PCDHGB5: variants seen among roughly 807,000 people sequenced by gnomAD.
PCDHGB5 encodes the protein protocadherin gamma-B5.
A neutral mutation model predicts 62.9 loss-of-function variants in PCDHGB5; 48 were observed. That is an observed-to-expected ratio of 0.76 (90% CI 0.61 to 0.97). The LOEUF is 0.97. Among genes scored for constraint, PCDHGB5 ranks in the 50% least tolerant of loss-of-function variants. The probability of loss-of-function intolerance (pLI) is 0.00; values close to 1 mark genes in which losing one functional copy is unlikely to be tolerated. For synonymous variants in PCDHGB5, 474 were observed against 511.2 expected (o/e 0.93, Z 0.98); for missense variants, 1,118 against 1,198.6 (o/e 0.93, Z 0.99).
In PCDHGB5 at chr5:141,432,877, C is replaced by T. The variant is rs375043811; in HGVS notation, c.2397+32353C>T. 108 of 1,614,082 alleles carry T rather than the reference C, an allele frequency of 6.7e-5. No homozygotes were observed. Among genetic ancestry groups the T allele is most frequent in the Non-Finnish European group, 7.6e-5 (90 of 1,180,018 alleles). On this transcript the variant is annotated intron_variant, in intron 1 of 3. Coordinates refer to ENST00000617380, the MANE Select transcript of PCDHGB5 (RefSeq NM_018925.3). The surrounding 1 kb of genome is among the most constrained non-coding windows in gnomAD (Gnocchi z 6.0). Reference sequence around the variant, plus strand: ...CCGCGGTCTCCTGCGTCTTCCTGGCCTTCGTCATCTTGCTGCTGGCGCTCA... The same window carrying T: ...CCGCGGTCTCCTGCGTCTTCCTGGCTTTCGTCATCTTGCTGCTGGCGCTCA...
chr5:141,433,329 G>A, intron 1 of PCDHGB5: 1 of 702,998 alleles, frequency 1.4e-6, no homozygotes, highest in Non-Finnish European at 2.4e-6. Context: ...GTGTAACAGG[G>A]ACTACAGGTG....
Position 141,476,993 on chromosome 5 carries a change from C to A in PCDHGB5, c.2398-17814C>A. 6.2e-7 allele frequency: 1 copy of A among 1,614,244 alleles called. No individual in the cohort carries two copies. Among genetic ancestry groups the A allele is most frequent in the South Asian group, 1.1e-5 (1 of 91,086 alleles). Reference sequence around the variant, plus strand: ...CAGCCACAACCGCGCCGGCGTGCGGCAACTATTCGCCTTAGACCTTGTAAC... The same window carrying A: ...CAGCCACAACCGCGCCGGCGTGCGGAAACTATTCGCCTTAGACCTTGTAAC... On this transcript the variant is annotated intron_variant, in intron 1 of 3. Coordinates refer to ENST00000617380, the MANE Select transcript of PCDHGB5 (RefSeq NM_018925.3). This position sits in a 1 kb window ranked among gnomAD's most constrained non-coding sequence, Gnocchi z 7.6.
chr5:141,487,824 C>A lies in PCDHGB5; in HGVS notation c.2398-6983C>A. The stretch of plus-strand genomic sequence containing the variant: ...TCACAGTTTAGCATTGGGGGCGGGT[C>A]ATGCCTATATCTGAGTAAGAAATGA... On this transcript the variant is annotated intron_variant, in intron 1 of 3. Coordinates refer to ENST00000617380, the MANE Select transcript of PCDHGB5 (RefSeq NM_018925.3). This position sits in a 1 kb window ranked among gnomAD's most constrained non-coding sequence, Gnocchi z 5.0. 2 of 1,247,252 alleles carry A rather than the reference C, an allele frequency of 1.6e-6. No individual in the cohort carries two copies. The highest frequency in any genetic ancestry group is 2.9e-5 in the South Asian group (2 of 68,154). The allele number at this position is 1,247,252 out of a possible 1,614,324, so 77.3% of individuals were successfully genotyped here. A position where few individuals can be genotyped will look rare whatever the true frequency, so the allele number is the denominator to read the frequency against.
chr5:141,501,290 T>TACACACAC (rs55762287), intron 2 of PCDHGB5, among the ~76,000 whole-genome samples: 94 of 136,244 alleles, frequency 6.9e-4, no homozygotes, highest in Admixed American at 2.2e-3. Context: ...TATTCCCTTA[T>TACACACAC]ACACACACAC....
intron 1 of PCDHGB5, among the ~76,000 whole-genome samples, chr5:141,468,046 C>T (rs540273405): frequency 1.3e-4 from 20 of 152,174 alleles, no homozygotes; most frequent in Non-Finnish European, 2.8e-4. Flanking sequence ...AAAACTAAGC[C>T]GGGCACAGTG....
At chr5:141,505,777 TCTG>T (rs77860300) in intron 3 of PCDHGB5, among the ~76,000 whole-genome samples, 6,508 of 152,280 alleles carry the variant, frequency 0.043, 161 homozygotes, top group Middle Eastern at 0.13. Context: ...AGGTCCTAGC[TCTG>T]CTACTATCCT....
chr5:141,462,617 T>C (rs1413543706), intron 1 of PCDHGB5, among the ~76,000 whole-genome samples: 1 of 151,850 alleles, frequency 6.6e-6, no homozygotes, highest in East Asian at 1.9e-4. Context: ...TTTTCACTTT[T>C]AGAAGTTCCA....
chr5:141,511,267 C>G lies in PCDHGB5; in HGVS notation c.*94C>G. The G allele has an allele frequency of 6.5e-7, 1 of 1,549,404 alleles. No homozygotes were observed. The highest frequency in any genetic ancestry group is 8.7e-7 in the Non-Finnish European group (1 of 1,146,836). On this transcript the variant is annotated 3_prime_UTR_variant, in exon 4 of 4. Coordinates refer to ENST00000617380, the MANE Select transcript of PCDHGB5 (RefSeq NM_018925.3). Reference sequence around the variant, plus strand: ...CCAGGCCTCAGAGTTTCAGGGCTAACCCCCAGAATACTGGTAGGGGCCAAG... The same window carrying G: ...CCAGGCCTCAGAGTTTCAGGGCTAAGCCCCAGAATACTGGTAGGGGCCAAG...
chr5:141,455,494 T>C (rs1223531150), intron 1 of PCDHGB5, among the ~76,000 whole-genome samples: 2 of 152,214 alleles, frequency 1.3e-5, no homozygotes, highest in African/African-American at 4.8e-5. Context: ...AGGTGATGTC[T>C]GATTTGCATA....
intron 1 of PCDHGB5, chr5:141,416,744 A>G (rs1480936949): frequency 2.0e-5 from 3 of 152,210 alleles, no homozygotes; most frequent in Non-Finnish European, 4.4e-5. Context: ...GAAAATAGTG[A>G]CGTATTAGGT....
chr5:141,490,288 G>T lies in PCDHGB5; in HGVS notation c.2398-4519G>T, dbSNP rs2099698282. 1.2e-6 allele frequency: 2 copies of T among 1,614,080 alleles called. No homozygotes were observed. Among genetic ancestry groups the T allele is most frequent in the South Asian group, 1.1e-5 (1 of 91,092 alleles). On this transcript the variant is annotated intron_variant, in intron 1 of 3. Transcript: ENST00000617380. This position sits in a 1 kb window ranked among gnomAD's most constrained non-coding sequence, Gnocchi z 5.4. ...GGATGTCAATGACAATGCCCCAGAG[G>T]TGCTATTGGCCTCTTTGGCCAACCC...
intron 1 of PCDHGB5, among the ~76,000 whole-genome samples, chr5:141,466,790 A>C (rs1240777427): frequency 2.0e-5 from 3 of 152,210 alleles, no homozygotes; most frequent in Non-Finnish European, 2.9e-5. Context: ...TTAGTGCCTC[A>C]AACTAGATCC....
chr5:141,490,317 C>A lies in PCDHGB5; in HGVS notation c.2398-4490C>A, dbSNP rs2233604. ...TATTGGCCTCTTTGGCCAACCCTGT[C>A]CTAGAGAGCACACCAGTGGGCACAG... On this transcript the variant is annotated intron_variant, in intron 1 of 3. Coordinates refer to ENST00000617380, the MANE Select transcript of PCDHGB5 (RefSeq NM_018925.3). The surrounding 1 kb of genome is among the most constrained non-coding windows in gnomAD (Gnocchi z 5.4). 32,069 of 1,614,158 alleles carry A rather than the reference C, an allele frequency of 0.02. 521 individuals carry two copies. Among genetic ancestry groups the A allele is most frequent in the African/African-American group, 0.081 (6,098 of 75,022 alleles).
chr5:141,408,071 T>C, intron 1 of PCDHGB5: 4 of 1,384,774 alleles, frequency 2.9e-6, no homozygotes, highest in Non-Finnish European at 2.9e-6. Context: ...GCGCAGACCT[T>C]TCCCAGCACA....
chr5:141,420,277 A>C, intron 1 of PCDHGB5: 1 of 1,518,166 alleles, frequency 6.6e-7, no homozygotes, highest in Non-Finnish European at 8.9e-7. Flanking sequence ...TTAAACAGGT[A>C]AGTATTTAAA....
At chr5:141,408,400 G>A (rs2095097999) in intron 1 of PCDHGB5, 2 of 1,614,052 alleles carry the variant, frequency 1.2e-6, no homozygotes, top group Non-Finnish European at 1.7e-6. Flanking sequence ...CTCGCAAGCT[G>A]CGAGTGAGCG....
At chr5:141,413,500 A>C (rs1422297029) in intron 1 of PCDHGB5, 2 of 1,614,034 alleles carry the variant, frequency 1.2e-6, no homozygotes, top group South Asian at 1.1e-5. Flanking sequence ...GTGCGTGGTG[A>C]GTTTTAATAT....
intron 1 of PCDHGB5, among the ~76,000 whole-genome samples, chr5:141,451,579 A>T (rs1222576609): frequency 6.6e-6 from 1 of 152,084 alleles, no homozygotes; most frequent in African/African-American, 2.4e-5. Flanking sequence ...TTATAAACCT[A>T]ATTTTGAAAG....
rs1431985190 is a variant in PCDHGB5 at position 141,399,573 on chromosome 5, A to T, written c.1446A>T (p.Gln482His). ...ACCTGGACTTGGGGTTGAACGGCCA[A>T]GTCTCCTACTCTATCATGGCCAGCG... ...ASDLDLGLNG[Q>H]VSYSIMASDL... The change falls in exon 1 of 4, where the codon CAA becomes CAT. Residue 482 changes from glutamine (Q) to histidine (H), a missense_variant. This residue lies in a region of PCDHGB5 where 1,034 missense variants were observed against 1,029.1 expected (regional missense o/e 1.00). Transcript: ENST00000617380. 6.2e-7 allele frequency: 1 copy of T among 1,614,020 alleles called. No individual in the cohort carries two copies. Among genetic ancestry groups the T allele is most frequent in the Admixed American group, 1.7e-5 (1 of 60,024 alleles).
Sources: gnomAD v4.1 joint callset for allele counts (sites outside exome capture counted in the v4.1 genomes callset) on GRCh38, gnomAD v4.1.1 for gene constraint, gnomAD v4.1.1 regional missense constraint, Gnocchi (gnomAD v3.1) non-coding constraint, MANE v1.5 for transcripts, NCBI Gene and HGNC (gene_info 2026-07-23, HGNC 2026-07-21) for gene names.